The following WARS1 variants were observed in gnomAD, a reference collection of about 807,000 sequenced individuals.
WARS1 encodes tryptophanyl-tRNA synthetase 1.
WARS1 carries 17 observed loss-of-function variants against 47.8 expected under a neutral mutation model. The observed-to-expected ratio is 0.36, with a 90% CI of 0.24 to 0.53. The LOEUF (loss-of-function observed/expected upper bound fraction) is 0.53, where lower values mean the gene tolerates loss of function less well. Ranked by LOEUF, WARS1 falls within the 20% of genes least tolerant of loss-of-function variation. The pLI is 0.91. For missense variants in WARS1, 434 were observed against 608.0 expected, an observed-to-expected ratio of 0.71 and a Z score of 3.01; for synonymous variants, 208 against 228.1, an observed-to-expected ratio of 0.91 and a Z score of 0.79.
intron 1 of WARS1, among the ~76,000 whole-genome samples, chr14:100,369,969 TTTGTGG>T (rs1380054227): frequency 6.6e-6 from 1 of 152,146 alleles, no homozygotes; most frequent in African/African-American, 2.4e-5. Context: ...CCATCCTCTA[TTTGTGG>T]TTTATCTTAA....
chr14:100,345,522 TGCGGAAG>T (rs1342267388), intron 7 of WARS1, among the ~76,000 whole-genome samples: 2 of 151,738 alleles, frequency 1.3e-5, no homozygotes, highest in East Asian at 3.9e-4. Flanking sequence ...ACACAAACAC[TGCGGAAG>T]GCCGCAGGGT....
At chr14:100,355,157 G>A (rs1051856575) in intron 4 of WARS1, among the ~76,000 whole-genome samples, 3 of 152,028 alleles carry the variant, frequency 2.0e-5, no homozygotes, top group South Asian at 4.2e-4. Flanking sequence ...AGCTGCCTGC[G>A]CCCCACCTCC....
At chr14:100,345,044 A>C (rs1595419603) in intron 7 of WARS1, among the ~76,000 whole-genome samples, 1 of 130,600 alleles carries the variant, frequency 7.7e-6, no homozygotes, top group Non-Finnish European at 1.6e-5. Context: ...TCCGGGAGGG[A>C]GGTGGCGGGG....
Position 100,343,311 on chromosome 14 carries a change from C to A in WARS1, c.903G>T (p.Thr301=). ...CACATGGGATAAGGCACTGGATATC[C>A]GTCCTGTCTCGGAAGATCTGTGGGA... ...NSFPQIFRDR[T]DIQCLIPCAI... is the part of the protein sequence containing the mutation. The change falls in exon 8 of 11, where the codon ACG becomes ACT. Residue 301 remains threonine, a synonymous_variant. Transcript: ENST00000392882. 1 of 1,613,112 alleles carries A rather than the reference C, an allele frequency of 6.2e-7. No homozygotes were observed. Among genetic ancestry groups the A allele is most frequent in the South Asian group, 1.1e-5 (1 of 91,034 alleles).
chr14:100,371,447 C>CAAAAAAAAAAAAAAAAAAGAAAAA (rs1896341848), intron 1 of WARS1, among the ~76,000 whole-genome samples: 1 of 89,102 alleles, frequency 1.1e-5, no homozygotes, highest in Non-Finnish European at 2.9e-5. Flanking sequence ...GGTTCTGTCT[C>CAAAAAAAAAAAAAAAAAAGAAAAA]AAAAAAAAAA....
At chr14:100,346,500 G>A (rs966035576) in intron 7 of WARS1, among the ~76,000 whole-genome samples, 1 of 152,190 alleles carries the variant, frequency 6.6e-6, no homozygotes, top group Non-Finnish European at 1.5e-5. Flanking sequence ...CGGGTGACAA[G>A]AGAGGGACAG....
At chr14:100,360,797 G>T in intron 3 of WARS1, 135 bp from the exon 4 acceptor site, 1 of 540,620 alleles carries the variant, frequency 1.8e-6, no homozygotes, top group Non-Finnish European at 3.2e-6. Context: ...TTCTGCTAAA[G>T]GTCCTTACCC....
At chr14:100,368,226 AG>A (rs1896127467) in intron 2 of WARS1, 1 of 342,926 alleles carries the variant, frequency 2.9e-6, no homozygotes, top group Non-Finnish European at 5.7e-6. Context: ...GACATAAAAA[AG>A]TCAAGCAAAC....
At chr14:100,371,825 C>T (rs577244092) in intron 1 of WARS1, among the ~76,000 whole-genome samples, 1 of 152,208 alleles carries the variant, frequency 6.6e-6, no homozygotes, top group East Asian at 1.9e-4. Flanking sequence ...GAAGCAGAGG[C>T]GATTGCTTGA....
chr14:100,335,681 A>G (rs554415733), intron 10 of WARS1, among the ~76,000 whole-genome samples: 2 of 152,132 alleles, frequency 1.3e-5, no homozygotes, highest in South Asian at 4.2e-4. Context: ...CACTGCGCCC[A>G]GCCAAATCTT....
At chr14:100,356,402 G>GGC (rs1399664218) in intron 4 of WARS1, among the ~76,000 whole-genome samples, 3 of 149,896 alleles carry the variant, frequency 2.0e-5, no homozygotes, top group South Asian at 2.2e-4. Flanking sequence ...TGTGTGTGGG[G>GGC]GGGGGTGTGG....
intron 1 of WARS1, among the ~76,000 whole-genome samples, chr14:100,372,081 G>A (rs562165829): frequency 6.6e-6 from 1 of 151,988 alleles, no homozygotes. Context: ...CCACCTGCCC[G>A]CCAGAGAACA....
rs746671367 is a variant in WARS1 at position 100,343,416 on chromosome 14, G to A, written c.827-29C>T. On this transcript the variant is annotated intron_variant, in intron 7 of 10. Transcript: ENST00000392882. ...AAAATGAGAAAAAGTATTTTTACACGTGAGATGAGTTCCTGTTCTGCTTAG... is the reference window on the plus strand; with the variant it reads ...AAAATGAGAAAAAGTATTTTTACACATGAGATGAGTTCCTGTTCTGCTTAG... 283 of 1,542,466 alleles carry A rather than the reference G, an allele frequency of 1.8e-4. 1 individual carries two copies. The highest frequency in any genetic ancestry group is 2.3e-4 in the Non-Finnish European group (264 of 1,125,140).
intron 2 of WARS1, among the ~76,000 whole-genome samples, chr14:100,363,466 C>T (rs147530205): frequency 2.2e-4 from 33 of 152,184 alleles, no homozygotes; most frequent in Non-Finnish European, 4.1e-4. Flanking sequence ...GAGGCCAAGG[C>T]GGGCGGATCG....
At chr14:100,354,136 T>C in intron 5 of WARS1, 2 of 511,778 alleles carry the variant, frequency 3.9e-6, no homozygotes, top group South Asian at 2.6e-5. Flanking sequence ...GGTAGGTATC[T>C]TCATTCTCAT....
intron 6 of WARS1, among the ~76,000 whole-genome samples, chr14:100,350,466 A>C (rs1894906863): frequency 6.6e-6 from 1 of 151,674 alleles, no homozygotes. Flanking sequence ...CTGCAACCGC[A>C]GTTGCCAAAG....
intron 6 of WARS1, among the ~76,000 whole-genome samples, chr14:100,347,068 G>C (rs1167153882): frequency 6.6e-6 from 1 of 152,232 alleles, no homozygotes; most frequent in African/African-American, 2.4e-5. Context: ...GAGTTGACTG[G>C]GAAAGGCAGA....
intron 10 of WARS1, among the ~76,000 whole-genome samples, chr14:100,336,084 A>G (rs1328299556): frequency 1.3e-4 from 19 of 151,796 alleles, no homozygotes; most frequent in Non-Finnish European, 1.5e-5. Context: ...GACCATCTTG[A>G]ATAAGACGGT....
At chr14:100,366,239 C>T (rs1040004490) in intron 2 of WARS1, among the ~76,000 whole-genome samples, 1 of 152,208 alleles carries the variant, frequency 6.6e-6, no homozygotes, top group African/African-American at 2.4e-5. Context: ...CAGCGGGACT[C>T]ACCCCCTCTG....
Sources: allele counts gnomAD v4.1 joint callset (sites outside exome capture counted in the v4.1 genomes callset), GRCh38; gene constraint gnomAD v4.1.1; transcripts MANE v1.5; gene names NCBI Gene and HGNC (gene_info 2026-07-23, HGNC 2026-07-21).